Variants in MCTP1 observed in about 807,000 individuals in gnomAD.
MCTP1 encodes multiple C2 and transmembrane domain containing 1.
A neutral mutation model predicts 120.6 loss-of-function variants in MCTP1; 69 were observed. The observed-to-expected ratio is 0.57, with a 90% CI of 0.47 to 0.70. The LOEUF is 0.70. MCTP1 is among the 30% of genes least tolerant of loss of function. The pLI is 0.00. For missense variants in MCTP1, 1,203 were observed against 1,248.8 expected, an observed-to-expected ratio of 0.96 and a Z score of 0.55; for synonymous variants, 529 against 493.1, an observed-to-expected ratio of 1.07 and a Z score of -0.96.
intron 1 of MCTP1, among the ~76,000 whole-genome samples, chr5:95,020,791 T>G (rs1339328501): frequency 1.3e-5 from 2 of 152,064 alleles, no homozygotes; most frequent in African/African-American, 4.8e-5. Flanking sequence ...TAGGAACCTA[T>G]GTGTTTTCTT....
rs1581834891 is a variant in MCTP1, at chr5:95,012,493, G to A, written c.838+4874C>T. 1.3e-5 allele frequency among the ~76,000 whole-genome samples: 2 copies of A among 152,134 alleles called. 1 individual carries two copies. The highest frequency in any genetic ancestry group is 4.1e-4 in the South Asian group (2 of 4,828). On this transcript the variant is annotated intron_variant, in intron 2 of 22. Transcript: ENST00000515393. Reference sequence around the variant, plus strand: ...TGTTTTCTGTTTTTGTTTTCAAATCGAAGGTTTATGGCAACACTACCTTGA... The same window carrying A: ...TGTTTTCTGTTTTTGTTTTCAAATCAAAGGTTTATGGCAACACTACCTTGA...
intron 12 of MCTP1, among the ~76,000 whole-genome samples, chr5:94,885,516 G>A (rs892758669): frequency 2.0e-5 from 3 of 152,102 alleles, no homozygotes; most frequent in African/African-American, 7.2e-5. Flanking sequence ...TCAAGGGAAA[G>A]AATAATCATA....
At chr5:94,824,200 T>C (rs926576118) in intron 17 of MCTP1, among the ~76,000 whole-genome samples, 2 of 152,212 alleles carry the variant, frequency 1.3e-5, no homozygotes, top group Non-Finnish European at 2.9e-5. Flanking sequence ...ATAGCTCTTA[T>C]TATTTTGAGA....
chr5:94,947,555 A>AT (rs1819264960), intron 3 of MCTP1, among the ~76,000 whole-genome samples: 4 of 39,508 alleles, frequency 1.0e-4, no homozygotes, highest in African/African-American at 4.4e-4. Context: ...TAGTTTACTA[A>AT]ATATATATAT....
chr5:95,217,818 C>A (rs1753210148), intron 1 of MCTP1, among the ~76,000 whole-genome samples: 1 of 152,106 alleles, frequency 6.6e-6, no homozygotes, highest in African/African-American at 2.4e-5. Context: ...ATTGAGGCAG[C>A]CTGATTTTGT....
chr5:95,073,138 T>C (rs983308712), intron 1 of MCTP1, among the ~76,000 whole-genome samples: 4 of 152,166 alleles, frequency 2.6e-5, no homozygotes, highest in Admixed American at 2.0e-4. Context: ...TTGCAAGGCC[T>C]TCTTTCAGCA....
chr5:95,167,840 G>A (rs1746632636), intron 1 of MCTP1, among the ~76,000 whole-genome samples: 1 of 152,182 alleles, frequency 6.6e-6, no homozygotes, highest in African/African-American at 2.4e-5. Flanking sequence ...CTCCCATTCT[G>A]TAGGTTGCCT....
At chr5:95,275,892 A>G (rs528073544) in intron 1 of MCTP1, among the ~76,000 whole-genome samples, 2 of 152,272 alleles carry the variant, frequency 1.3e-5, no homozygotes, top group East Asian at 1.9e-4. Flanking sequence ...GAAAGAAGAA[A>G]GCTGGCAGGA....
intron 17 of MCTP1, among the ~76,000 whole-genome samples, chr5:94,809,859 C>T (rs142224543): frequency 1.1e-3 from 174 of 152,144 alleles, no homozygotes; most frequent in African/African-American, 3.6e-3. Context: ...TCTAGTGCCC[C>T]GTTTTCCCAG....
intron 1 of MCTP1, among the ~76,000 whole-genome samples, chr5:95,177,314 T>C (rs1748114320): frequency 6.6e-6 from 1 of 152,172 alleles, no homozygotes; most frequent in Admixed American, 6.5e-5. Context: ...AAAGGCAATG[T>C]GCTTTTACAA....
chr5:95,141,291 C>T (rs1759911427), intron 1 of MCTP1, among the ~76,000 whole-genome samples: 1 of 152,156 alleles, frequency 6.6e-6, no homozygotes, highest in Admixed American at 6.5e-5. Flanking sequence ...TTTGATGAAG[C>T]AAATAAAATG....
At chr5:95,118,701 A>G (rs1757996602) in intron 1 of MCTP1, among the ~76,000 whole-genome samples, 1 of 152,214 alleles carries the variant, frequency 6.6e-6, no homozygotes, top group Non-Finnish European at 1.5e-5. Flanking sequence ...ATTCCATACC[A>G]ATGGAAACAA....
chr5:94,837,554 T>C (rs1387263196), intron 17 of MCTP1, among the ~76,000 whole-genome samples: 1 of 152,198 alleles, frequency 6.6e-6, no homozygotes, highest in East Asian at 1.9e-4. Flanking sequence ...GAGATTGTTA[T>C]TAGAGTTAAA....
intron 19 of MCTP1, among the ~76,000 whole-genome samples, chr5:94,734,405 T>G (rs1460243578): frequency 6.6e-6 from 1 of 152,256 alleles, no homozygotes; most frequent in African/African-American, 2.4e-5. Context: ...AGGGTATATC[T>G]TTCTAGTATC....
intron 1 of MCTP1, among the ~76,000 whole-genome samples, chr5:95,168,311 G>A (rs1746717717): frequency 6.6e-6 from 1 of 152,166 alleles, no homozygotes; most frequent in Admixed American, 6.5e-5. Context: ...TTGTAGTGTA[G>A]TTTGAAGTCA....
chr5:95,021,740 C>G (rs1324540981), intron 1 of MCTP1, among the ~76,000 whole-genome samples: 3 of 151,864 alleles, frequency 2.0e-5, no homozygotes, highest in Admixed American at 1.3e-4. Flanking sequence ...GCCTTTTTGA[C>G]TCTTATTTTC....
At chr5:94,958,932 C>T (rs183381249) in intron 2 of MCTP1, among the ~76,000 whole-genome samples, 2 of 152,296 alleles carry the variant, frequency 1.3e-5, no homozygotes, top group Non-Finnish European at 2.9e-5. Flanking sequence ...AGGCCAGCAT[C>T]ATCCTGATAC....
chr5:94,991,710 C>T (rs1831573904), intron 2 of MCTP1, among the ~76,000 whole-genome samples: 1 of 63,084 alleles, frequency 1.6e-5, no homozygotes, highest in Non-Finnish European at 3.2e-5. Flanking sequence ...CTCGTCTCTA[C>T]TAAAAATACA....
chr5:95,179,071 G>A (rs1748330320), intron 1 of MCTP1, among the ~76,000 whole-genome samples: 1 of 152,152 alleles, frequency 6.6e-6, no homozygotes, highest in Admixed American at 6.5e-5. Flanking sequence ...ATGATCAGAA[G>A]AAAGAACTTC....
Sources: allele counts gnomAD v4.1 joint callset (sites outside exome capture counted in the v4.1 genomes callset), GRCh38; gene constraint gnomAD v4.1.1; transcripts MANE v1.5; gene names NCBI Gene and HGNC (gene_info 2026-07-23, HGNC 2026-07-21).